GNB4: variants seen among roughly 807,000 people sequenced by gnomAD.
GNB4 encodes guanine nucleotide-binding protein subunit beta-4.
Under a neutral mutation model 45.2 loss-of-function variants are expected in GNB4, and 28 were observed. The ratio of observed to expected loss-of-function variants is 0.62; its 90% CI spans 0.46 to 0.85. The LOEUF (loss-of-function observed/expected upper bound fraction) is 0.85. Ranked by LOEUF, GNB4 falls within the 40% of genes least tolerant of loss-of-function variation. GNB4 has a pLI of 0.00. For synonymous variants in GNB4, 132 were observed against 143.7 expected (o/e 0.92, Z 0.58); for missense variants, 321 against 425.4 (o/e 0.75, Z 2.16).
At chr3:179,420,331 G>A (rs1412877120) in intron 3 of GNB4, among the ~76,000 whole-genome samples, 3 of 150,008 alleles carry the variant, frequency 2.0e-5, no homozygotes, top group African/African-American at 7.3e-5. Context: ...GTAGAGACAG[G>A]GTTTCACCAT....
chr3:179,478,608 A>G, the GNB4 span, among the ~76,000 whole-genome samples: 1 of 152,110 alleles, frequency 6.6e-6, no homozygotes, highest in African/African-American at 2.4e-5. Context: ...CAGTGGCATT[A>G]TCATGGCTCA....
intron 1 of GNB4, among the ~76,000 whole-genome samples, chr3:179,442,816 G>T (rs1471005961): frequency 1.3e-5 from 2 of 152,006 alleles, no homozygotes; most frequent in Non-Finnish European, 2.9e-5. Flanking sequence ...AATTTTAGAG[G>T]TGGGGTCCTT....
At chr3:179,488,530 C>T in the GNB4 span, among the ~76,000 whole-genome samples, 1 of 152,152 alleles carries the variant, frequency 6.6e-6, no homozygotes. Flanking sequence ...TGATCCCCTT[C>T]TTAAGATATA....
At chr3:179,439,150 G>A (rs374674574) in intron 1 of GNB4, among the ~76,000 whole-genome samples, 7 of 152,114 alleles carry the variant, frequency 4.6e-5, no homozygotes, top group East Asian at 1.9e-4. Flanking sequence ...AAGTCTTCAC[G>A]GTGAGTCTGA....
chr3:179,405,558 C>A, intron 8 of GNB4, 152 bp from the exon 9 acceptor site: 1 of 574,038 alleles, frequency 1.7e-6, no homozygotes, highest in Non-Finnish European at 3.1e-6. Flanking sequence ...TATTTTGAGC[C>A]TCAGATTCCA....
At position 179,438,161 on chromosome 3, in the gene GNB4, C is replaced by T. The variant is rs1413646205; in HGVS notation, c.-42-11919G>A. Among the ~76,000 whole-genome samples the T allele has an allele frequency of 2.6e-5, 4 of 152,268 alleles. No homozygotes were observed. The East Asian group carries it at 7.7e-4, about 29-fold the overall frequency. On this transcript the variant is annotated intron_variant, in intron 1 of 9. Transcript: ENST00000232564. Reference sequence around the variant, plus strand: ...CAACTAAGAGATAACATTTACTGAGCATTTATTACGTGTATGTACACAACT... The same window carrying T: ...CAACTAAGAGATAACATTTACTGAGTATTTATTACGTGTATGTACACAACT...
At chr3:179,519,858 C>A in the GNB4 span, among the ~76,000 whole-genome samples, 1 of 152,174 alleles carries the variant, frequency 6.6e-6, no homozygotes, top group African/African-American at 2.4e-5. Flanking sequence ...TCCCATCCCA[C>A]AGCATGTTTT....
chr3:179,504,470 G>A, the GNB4 span, among the ~76,000 whole-genome samples: 2 of 152,180 alleles, frequency 1.3e-5, no homozygotes, highest in Non-Finnish European at 2.9e-5. Context: ...TAGATAAGAT[G>A]AGGAATGTTG....
chr3:179,480,854 C>CT, the GNB4 span, among the ~76,000 whole-genome samples: 1,104 of 124,864 alleles, frequency 8.8e-3, 7 homozygotes, highest in South Asian at 0.018. Flanking sequence ...TTTTTTTTTT[C>CT]TTTTTTTTTT....
chr3:179,461,046 C>T, the GNB4 span, among the ~76,000 whole-genome samples: 1 of 152,082 alleles, frequency 6.6e-6, no homozygotes, highest in African/African-American at 2.4e-5. Context: ...TTCTTTCTGG[C>T]CTTCACTTTC....
intron 8 of GNB4, 28 bp downstream of exon 8, chr3:179,413,384 A>T (rs1488768950): frequency 1.3e-6 from 2 of 1,580,524 alleles, no homozygotes; most frequent in Non-Finnish European, 1.7e-6. Context: ...TGCATAATAA[A>T]TTTTCTCTAG....
chr3:179,430,445 C>A (rs779521384), intron 1 of GNB4, among the ~76,000 whole-genome samples: 1 of 151,654 alleles, frequency 6.6e-6, no homozygotes, highest in Non-Finnish European at 1.5e-5. Flanking sequence ...GCCAATTCCT[C>A]CACTGGTGAT....
the GNB4 span, among the ~76,000 whole-genome samples, chr3:179,474,088 G>A: frequency 1.1e-4 from 16 of 152,168 alleles, no homozygotes; most frequent in African/African-American, 3.6e-4. Context: ...ACTTTGGGAG[G>A]TCAAGGTGGG....
chr3:179,496,230 TAA>T, the GNB4 span, among the ~76,000 whole-genome samples: 1 of 152,166 alleles, frequency 6.6e-6, no homozygotes, highest in South Asian at 2.1e-4. Flanking sequence ...TAATTGAAGT[TAA>T]GTTTTTATTA....
the GNB4 span, among the ~76,000 whole-genome samples, chr3:179,458,053 T>C: frequency 1.3e-5 from 2 of 152,116 alleles, no homozygotes; most frequent in Non-Finnish European, 2.9e-5. Context: ...TACAGGTGCC[T>C]GCCACCACGC....
the GNB4 span, among the ~76,000 whole-genome samples, chr3:179,469,547 A>G: frequency 6.6e-6 from 1 of 152,228 alleles, no homozygotes; most frequent in African/African-American, 2.4e-5. Context: ...CACGTTATTG[A>G]GTGAAAAAAT....
At chr3:179,468,028 T>C in the GNB4 span, among the ~76,000 whole-genome samples, 1 of 49,274 alleles carries the variant, frequency 2.0e-5, no homozygotes, top group Non-Finnish European at 4.0e-5. Flanking sequence ...ATCATTTTGT[T>C]GATAAAAATA....
chr3:179,456,980 T>C, the GNB4 span, among the ~76,000 whole-genome samples: 1 of 152,198 alleles, frequency 6.6e-6, no homozygotes, highest in African/African-American at 2.4e-5. Flanking sequence ...CCAAGCCACA[T>C]AGACCAGACT....
In GNB4 at chr3:179,419,428, G is replaced by T. The variant is rs757486497; in HGVS notation, c.174C>A (p.Ile58=). Residue 58 remains isoleucine, a synonymous_variant, in exon 4 of 10, where the codon ATC becomes ATA. Transcript: ENST00000232564. The part of the protein sequence containing the change: ...RRTLRGHLAK[I]YAMHWGYDSR... ...AATCGTATCCCCAATGCATAGCATA[G>T]ATTTTAGCTAGGTGGCCCCTCAGTG... 6.2e-7 allele frequency: 1 copy of T among 1,611,284 alleles called. No individual in the cohort carries two copies. The highest frequency in any genetic ancestry group is 8.5e-7 in the Non-Finnish European group (1 of 1,177,428).
Sources: gnomAD v4.1 joint callset for allele counts (sites outside exome capture counted in the v4.1 genomes callset) on GRCh38, gnomAD v4.1.1 for gene constraint, MANE v1.5 for transcripts, NCBI Gene and HGNC (gene_info 2026-07-23, HGNC 2026-07-21) for gene names.